Variants in FAM78B observed in about 807,000 individuals in gnomAD.
FAM78B encodes the protein protein FAM78B.
In FAM78B, 10 loss-of-function variants were observed where a neutral mutation model predicts 20.0. The ratio of observed to expected loss-of-function variants is 0.50; its 90% CI spans 0.31 to 0.85. FAM78B has a LOEUF of 0.85. Ranked by LOEUF, FAM78B falls within the 40% of genes least tolerant of loss-of-function variation. FAM78B has a pLI of 0.05. For synonymous variants in FAM78B, 135 were observed against 132.8 expected, an observed-to-expected ratio of 1.02 and a Z score of -0.12; for missense variants, 283 against 345.0, an observed-to-expected ratio of 0.82 and a Z score of 1.42.
intron 1 of FAM78B, among the ~76,000 whole-genome samples, chr1:166,100,979 C>A (rs1407689183): frequency 6.6e-6 from 1 of 152,208 alleles, no homozygotes; most frequent in Admixed American, 6.5e-5. Context: ...GGCCAGGTAC[C>A]ACTCTGAGAC....
At chr1:166,098,668 G>A (rs558074660) in intron 1 of FAM78B, among the ~76,000 whole-genome samples, 4 of 151,834 alleles carry the variant, frequency 2.6e-5, no homozygotes, top group Non-Finnish European at 5.9e-5. Flanking sequence ...CAAAGTCTTC[G>A]AATTAACCCA....
At chr1:166,114,041 A>G (rs1654166939) in intron 1 of FAM78B, among the ~76,000 whole-genome samples, 1 of 152,232 alleles carries the variant, frequency 6.6e-6, no homozygotes. Context: ...ATCCTTTACA[A>G]AACAAGACAT....
At chr1:166,132,682 T>G (rs1393856066) in intron 1 of FAM78B, among the ~76,000 whole-genome samples, 1 of 152,172 alleles carries the variant, frequency 6.6e-6, no homozygotes, top group African/African-American at 2.4e-5. Context: ...AAAATTTTCA[T>G]GTTAGGATGA....
At chr1:166,091,405 C>T (rs890761506) in intron 1 of FAM78B, among the ~76,000 whole-genome samples, 6 of 152,138 alleles carry the variant, frequency 3.9e-5, no homozygotes, top group Non-Finnish European at 7.3e-5. Flanking sequence ...GAATAAGTCT[C>T]ACGAGATCTG....
chr1:166,166,020 T>G lies in FAM78B; in HGVS notation c.229A>C (p.Met77Leu). ...TCGCTGTAGGTGTTGAAGAACTCCA[T>G]CTGATTGCACGCCTGAATCCAGCCC... ...VVGWIQACNQ[M>L]EFFNTYSDLG... Residue 77 changes from methionine to leucine, a missense_variant, in exon 1 of 2, where the codon ATG (methionine) becomes CTG (leucine). By Grantham distance (15) the Met-to-Leu change is conservative. Transcript: ENST00000354422. The G allele has an allele frequency of 6.2e-7, 1 of 1,605,510 alleles. No homozygotes were observed. The highest frequency in any genetic ancestry group is 8.5e-7 in the Non-Finnish European group (1 of 1,175,198).
intron 1 of FAM78B, among the ~76,000 whole-genome samples, chr1:166,092,891 G>A (rs1471468679): frequency 1.3e-5 from 2 of 152,134 alleles, no homozygotes; most frequent in Non-Finnish European, 2.9e-5. Flanking sequence ...AACAATGTTG[G>A]TTAGGTGGAT....
At chr1:166,094,481 T>C (rs964387535) in intron 1 of FAM78B, among the ~76,000 whole-genome samples, 4 of 152,238 alleles carry the variant, frequency 2.6e-5, no homozygotes, top group African/African-American at 4.8e-5. Context: ...CCAATCACTA[T>C]GGACCCAGAA....
rs141586394 is a variant in FAM78B, at chr1:166,146,531, C to G, written c.263+19455G>C. Among the ~76,000 whole-genome samples, 1,348 of 152,222 alleles carry G rather than the reference C, an allele frequency of 8.9e-3. 11 individuals are homozygous for G. The highest frequency in any genetic ancestry group is 0.015 in the Non-Finnish European group (996 of 68,010). On this transcript the variant is annotated intron_variant, in intron 1 of 1. Transcript: ENST00000354422. ...AGTTTTAGGAGGAGATTTCTATAAC[C>G]TAACTGGGCTAAAAGCACTCCAAGG...
At chr1:166,056,299 G>T (rs1042608623), downstream of FAM78B, among the ~76,000 whole-genome samples, 3 of 133,868 alleles carry the variant, frequency 2.2e-5, no homozygotes, top group Admixed American at 2.4e-4. Flanking sequence ...GAGAGAGAGA[G>T]AATATGAATG....
At chr1:166,114,459 T>G (rs2101762072) in intron 1 of FAM78B, among the ~76,000 whole-genome samples, 1 of 152,350 alleles carries the variant, frequency 6.6e-6, no homozygotes, top group Middle Eastern at 3.4e-3. Context: ...AAGTTCTGTG[T>G]GAATACTGAA....
At chr1:166,072,826 G>A (rs1474180475) in intron 1 of FAM78B, among the ~76,000 whole-genome samples, 3 of 152,162 alleles carry the variant, frequency 2.0e-5, no homozygotes, top group Non-Finnish European at 4.4e-5. Context: ...TATTGCCTGG[G>A]GAATTTGGTT....
intron 1 of FAM78B, among the ~76,000 whole-genome samples, chr1:166,075,618 C>T (rs1652239297): frequency 6.6e-6 from 1 of 152,230 alleles, no homozygotes; most frequent in African/African-American, 2.4e-5. Flanking sequence ...TGGTGTCTGG[C>T]ACATGATGCA....
intron 1 of FAM78B, among the ~76,000 whole-genome samples, chr1:166,142,329 C>G (rs1307799217): frequency 6.6e-6 from 1 of 152,148 alleles, no homozygotes; most frequent in Admixed American, 6.5e-5. Context: ...TCCCTGTGCC[C>G]TAAGTCTTCT....
intron 1 of FAM78B, among the ~76,000 whole-genome samples, chr1:166,074,533 A>C (rs1476156818): frequency 6.6e-6 from 1 of 152,214 alleles, no homozygotes; most frequent in South Asian, 2.1e-4. Context: ...ATAAAACTTA[A>C]TAACTATTTA....
intron 1 of FAM78B, among the ~76,000 whole-genome samples, chr1:166,099,337 G>A (rs1347841499): frequency 2.0e-5 from 3 of 152,052 alleles, no homozygotes; most frequent in Non-Finnish European, 4.4e-5. Flanking sequence ...AAAAATACAA[G>A]TTAAAAAGCA....
Position 166,166,269 on chromosome 1 carries a change from C to CGGCGCGGCGTGGGGCAGCGCGGG in FAM78B, c.-44_-22dup. ...CCCATCCTGCAGCCCGGTGCCGGCA[C>CGGCGCGGCGTGGGGCAGCGCGGG]GGCGCGGCGTGGGGCAGCGCGGGGG... On this transcript the variant is annotated 5_prime_UTR_variant, in exon 1 of 2. Transcript: ENST00000354422. 7.3e-7 allele frequency: 1 copy of CGGCGCGGCGTGGGGCAGCGCGGG among 1,360,880 alleles called. No homozygotes were observed. The highest frequency in any genetic ancestry group is 1.8e-5 in the South Asian group (1 of 57,080). The allele number at this position is 1,360,880 out of a possible 1,614,324, so 84.3% of individuals were successfully genotyped here.
Position 166,150,649 on chromosome 1 carries a change from AACACAAATTTCAT to A in FAM78B, c.263+15324_263+15336del, listed in dbSNP as rs1486081323. The stretch of plus-strand genomic sequence containing the variant: ...GACCACACTAGCATACACAAATTTC[AACACAAATTTCAT>A]ACACAAATTTCTATCATTCTTCTCA... On this transcript the variant is annotated intron_variant, in intron 1 of 1. Transcript: ENST00000354422. Among the ~76,000 whole-genome samples, 24 of 152,350 alleles carry A rather than the reference AACACAAATTTCAT, an allele frequency of 1.6e-4. No homozygotes were observed. The East Asian group carries it at 4.0e-3, about 26-fold the overall frequency.
At chr1:166,069,290 CAAAAG>C (rs71100885), downstream of FAM78B, among the ~76,000 whole-genome samples, 31,203 of 151,996 alleles carry the variant, frequency 0.21, 3,460 homozygotes, top group Non-Finnish European at 0.25. Flanking sequence ...TTCAGAAACT[CAAAAG>C]AAACAGAATG....
intron 1 of FAM78B, among the ~76,000 whole-genome samples, chr1:166,150,674 T>G (rs1049826212): frequency 6.6e-6 from 1 of 152,264 alleles, no homozygotes; most frequent in Non-Finnish European, 1.5e-5. Flanking sequence ...CACAAATTTC[T>G]ATCATTCTTC....
Sources: gnomAD v4.1 joint callset for allele counts (sites outside exome capture counted in the v4.1 genomes callset) on GRCh38, gnomAD v4.1.1 for gene constraint, MANE v1.5 for transcripts, NCBI Gene and HGNC (gene_info 2026-07-23, HGNC 2026-07-21) for gene names.